Variants in CCNY observed in about 807,000 individuals in gnomAD.
CCNY encodes the protein cyclin-Y.
CCNY carries 19 observed loss-of-function variants against 42.8 expected under a neutral mutation model. The observed-to-expected ratio is 0.44, with a 90% CI of 0.31 to 0.65. The LOEUF (loss-of-function observed/expected upper bound fraction) is 0.65, where lower values mean the gene tolerates loss of function less well. Among genes scored for constraint, CCNY ranks in the 30% least tolerant of loss-of-function variants. The probability of loss-of-function intolerance (pLI) is 0.07; values close to 1 mark genes in which losing one functional copy is unlikely to be tolerated. For synonymous variants in CCNY, 165 were observed against 162.7 expected, an observed-to-expected ratio of 1.01 and a Z score of -0.11; for missense variants, 370 against 437.3, an observed-to-expected ratio of 0.85 and a Z score of 1.37.
Position 35,497,743 on chromosome 10 carries a change from A to T in CCNY, c.230-3758A>T, listed in dbSNP as rs868026420. 4.6e-5 allele frequency among the ~76,000 whole-genome samples: 7 copies of T among 152,102 alleles called. No homozygotes were observed. In the Middle Eastern group the frequency reaches 0.02, roughly 443 times the overall value. On this transcript the variant is annotated intron_variant, in intron 2 of 9. Transcript: ENST00000374704. ...CTCCGTCTCAAAAAAAAAAAAAAAA[A>T]AAAAAATTCTACTTATCTTATTCCC...
chr10:35,254,364 T>G (rs951106495), intron 3 of CCNY, among the ~76,000 whole-genome samples: 7 of 152,142 alleles, frequency 4.6e-5, no homozygotes, highest in African/African-American at 1.7e-4. Flanking sequence ...ATTTTCTGTT[T>G]TAGTGAAAAA....
rs147121636 is a variant in CCNY at position 35,468,800 on chromosome 10, G to A, written c.155-14604G>A. On this transcript the variant is annotated intron_variant, in intron 1 of 9. Coordinates refer to ENST00000374704, the MANE Select transcript of CCNY (RefSeq NM_145012.6). ...GAGTTTTCTGGGCTACATGTATAAA[G>A]TAGAATGTCAAAAACCACATTAGAG... 1.6e-4 allele frequency among the ~76,000 whole-genome samples: 25 copies of A among 152,276 alleles called. 1 individual carries two copies. In the East Asian group the frequency reaches 4.2e-3, roughly 26 times the overall value.
chr10:35,561,770 G>T (rs1416436088), intron 8 of CCNY, among the ~76,000 whole-genome samples: 1 of 152,236 alleles, frequency 6.6e-6, no homozygotes, highest in Non-Finnish European at 1.5e-5. Context: ...TGGACAGAGG[G>T]GTTCTGGCTT....
chr10:35,565,752 CTG>C (rs936651233), intron 8 of CCNY, among the ~76,000 whole-genome samples: 80 of 152,338 alleles, frequency 5.3e-4, no homozygotes, highest in Non-Finnish European at 8.7e-4. Flanking sequence ...CCAGAGCCTG[CTG>C]TGTGTGTGTT....
chr10:35,420,868 CTTAT>C (rs1838144411), intron 1 of CCNY, among the ~76,000 whole-genome samples: 1 of 152,306 alleles, frequency 6.6e-6, no homozygotes, highest in Admixed American at 6.5e-5. Flanking sequence ...ATTTCAAAAT[CTTAT>C]TTGAACTCTG....
At chr10:35,459,199 A>T (rs1839102867) in intron 1 of CCNY, among the ~76,000 whole-genome samples, 1 of 152,224 alleles carries the variant, frequency 6.6e-6, no homozygotes, top group South Asian at 2.1e-4. Flanking sequence ...AGTGATGCAG[A>T]TACACCGTGA....
At chr10:35,397,201 C>G (rs1205050876) in intron 1 of CCNY, among the ~76,000 whole-genome samples, 1 of 152,188 alleles carries the variant, frequency 6.6e-6, no homozygotes, top group Non-Finnish European at 1.5e-5. Context: ...AAAGTGGAAA[C>G]AAAACAAAAG....
intron 2 of CCNY, among the ~76,000 whole-genome samples, chr10:35,494,237 C>A (rs540756202): frequency 1.4e-5 from 2 of 139,058 alleles, no homozygotes; most frequent in Non-Finnish European, 3.2e-5. Flanking sequence ...TAGTGAGACC[C>A]CCCCCCCCAT....
chr10:35,290,758 T>TG, intron 3 of CCNY, among the ~76,000 whole-genome samples: 1 of 151,618 alleles, frequency 6.6e-6, no homozygotes, highest in Non-Finnish European at 1.5e-5. Flanking sequence ...GGTCAGGAGT[T>TG]CGAAACCAGC....
In CCNY at chr10:35,478,618, C is replaced by A. The variant is rs573906501; in HGVS notation, c.155-4786C>A. Among the ~76,000 whole-genome samples the A allele has an allele frequency of 3.7e-3, 571 of 152,324 alleles. 3 individuals are homozygous for A. Among genetic ancestry groups the A allele is most frequent in the Non-Finnish European group, 6.3e-3 (428 of 68,042 alleles). On this transcript the variant is annotated intron_variant, in intron 1 of 9. Transcript: ENST00000374704. The stretch of plus-strand genomic sequence containing the variant: ...AAGCTGAAACTGGATCCCTTCCTTA[C>A]ACCTTATGCAAAAATCAATTCAAGA...
intron 3 of CCNY, among the ~76,000 whole-genome samples, chr10:35,302,458 G>A (rs1188335128): frequency 6.6e-6 from 1 of 151,054 alleles, no homozygotes; most frequent in African/African-American, 2.4e-5. Context: ...CTGCAGGCAT[G>A]CACCACCATG....
At position 35,339,467 on chromosome 10, in the gene CCNY, C is replaced by T. The variant is rs116399663; in HGVS notation, c.154+2260C>T. On this transcript the variant is annotated intron_variant, in intron 1 of 9. Transcript: ENST00000374704. ...ATACATCTATATGTCTGTATTTGCT[C>T]ATCTATATCTGTATGTATTTGAACT... 6.5e-3 allele frequency among the ~76,000 whole-genome samples: 988 copies of T among 152,182 alleles called. 16 individuals carry two copies. Among genetic ancestry groups the T allele is most frequent in the African/African-American group, 0.023 (945 of 41,522 alleles).
At chr10:35,525,478 T>C (rs1840634029) in intron 4 of CCNY, among the ~76,000 whole-genome samples, 1 of 152,128 alleles carries the variant, frequency 6.6e-6, no homozygotes, top group Admixed American at 6.5e-5. Context: ...TTTCAGCAAG[T>C]GAATGAATAA....
At chr10:35,514,075 C>CAAAAAA (rs11451104) in intron 3 of CCNY, among the ~76,000 whole-genome samples, 13 of 76,166 alleles carry the variant, frequency 1.7e-4, no homozygotes, top group East Asian at 3.9e-4. Flanking sequence ...AGGACCAGTT[C>CAAAAAA]AAAAAAAAAA....
At chr10:35,433,243 C>T (rs1838453061) in intron 1 of CCNY, among the ~76,000 whole-genome samples, 1 of 152,072 alleles carries the variant, frequency 6.6e-6, no homozygotes, top group African/African-American at 2.4e-5. Flanking sequence ...TGATTATCTC[C>T]CTCCTCCTAT....
Position 35,307,754 on chromosome 10 carries a change from G to GTA in CCNY, c.-9+57134_-9+57135dup, listed in dbSNP as rs1161599719. ...TATGTATATATATACATATTGATGT[G>GTA]TATATATGTGTGTGTGTGTGTGTGT... On this transcript the variant is annotated intron_variant, in intron 3 of 11. Transcript: ENST00000374706. Among the ~76,000 whole-genome samples the GTA allele has an allele frequency of 3.2e-3, 396 of 123,486 alleles. 2 individuals are homozygous for GTA. Among genetic ancestry groups the GTA allele is most frequent in the Middle Eastern group, 0.012 (3 of 256 alleles). The allele number at this position is 123,486 out of a possible 152,430, so 81.0% of individuals were successfully genotyped here. A position where few individuals can be genotyped will look rare whatever the true frequency, so the allele number is the denominator to read the frequency against.
At chr10:35,486,628 A>G (rs1201859527) in intron 2 of CCNY, among the ~76,000 whole-genome samples, 3 of 152,142 alleles carry the variant, frequency 2.0e-5, no homozygotes, top group Non-Finnish European at 2.9e-5. Flanking sequence ...ACCTTTCTCA[A>G]GGGCTCCCCA....
intron 3 of CCNY, among the ~76,000 whole-genome samples, chr10:35,323,055 T>C (rs1007830834): frequency 2.0e-5 from 3 of 152,166 alleles, no homozygotes; most frequent in Admixed American, 6.5e-5. Flanking sequence ...GCCTCCCAAG[T>C]AGCGGGATTA....
At chr10:35,318,682 G>A (rs1324202674) in intron 3 of CCNY, among the ~76,000 whole-genome samples, 3 of 151,932 alleles carry the variant, frequency 2.0e-5, no homozygotes, top group Non-Finnish European at 4.4e-5. Context: ...TTCTATGGAA[G>A]GATCTGTTGG....
Sources: allele counts gnomAD v4.1 joint callset (sites outside exome capture counted in the v4.1 genomes callset), GRCh38; gene constraint gnomAD v4.1.1; transcripts MANE v1.5; gene names NCBI Gene and HGNC (gene_info 2026-07-23, HGNC 2026-07-21).